ZNF536: variants seen among roughly 807,000 people sequenced by gnomAD.
ZNF536 encodes zinc finger protein 536.
Under a neutral mutation model 84.5 loss-of-function variants are expected in ZNF536, and 13 were observed. The ratio of observed to expected loss-of-function variants is 0.15; its 90% confidence interval spans 0.10 to 0.24. The LOEUF is 0.24. ZNF536 is among the 10% of genes least tolerant of loss of function. ZNF536 has a pLI of 1.00. For synonymous variants in ZNF536, 811 were observed against 742.5 expected, an observed-to-expected ratio of 1.09 and a Z score of -1.50; for missense variants, 1,536 against 1,747.5, an observed-to-expected ratio of 0.88 and a Z score of 2.16.
intron 1 of ZNF536, among the ~76,000 whole-genome samples, chr19:30,404,356 C>T (rs1376243164): frequency 6.6e-6 from 1 of 152,186 alleles, no homozygotes; most frequent in Non-Finnish European, 1.5e-5. Flanking sequence ...ATCCCTGGAA[C>T]TCCAGCATCC....
At chr19:30,677,873 G>C (rs969903825) in intron 1 of ZNF536, among the ~76,000 whole-genome samples, 1 of 152,158 alleles carries the variant, frequency 6.6e-6, no homozygotes, top group Non-Finnish European at 1.5e-5. Flanking sequence ...GCCCAGGAAA[G>C]GAAGGGCTGT....
At chr19:30,592,540 T>G (rs1457014856) in intron 1 of ZNF536, among the ~76,000 whole-genome samples, 1 of 152,168 alleles carries the variant, frequency 6.6e-6, no homozygotes, top group East Asian at 1.9e-4. Context: ...GATTATCAGA[T>G]AAGCAGCACA....
intron 2 of ZNF536, among the ~76,000 whole-genome samples, chr19:30,484,484 C>T (rs1277309148): frequency 2.0e-5 from 3 of 150,672 alleles, no homozygotes; most frequent in African/African-American, 7.3e-5. Flanking sequence ...GATCTGCCCA[C>T]CTTGGCCTCC....
chr19:30,692,587 G>T lies in ZNF536; in HGVS notation c.170-18170G>T, dbSNP rs1213636438. On this transcript the variant is annotated intron_variant, in intron 1 of 1. Transcript: ENST00000592773. ...TGCCTTTACTGTTTTTGCCTGAAGG[G>T]CCAGAAACGGAACGCCGTTCTGCCA... Among the ~76,000 whole-genome samples the T allele has an allele frequency of 2.6e-5, 4 of 152,312 alleles. No individual in the cohort carries two copies. The South Asian group carries it at 6.2e-4, about 24-fold the overall frequency.
chr19:30,615,953 C>A (rs2048280317), intron 1 of ZNF536, among the ~76,000 whole-genome samples: 1 of 152,170 alleles, frequency 6.6e-6, no homozygotes, highest in East Asian at 1.9e-4. Flanking sequence ...TAAATCAAAT[C>A]TTTTTCTCGA....
At chr19:30,608,255 A>G (rs1165218192) in intron 1 of ZNF536, among the ~76,000 whole-genome samples, 1 of 152,238 alleles carries the variant, frequency 6.6e-6, no homozygotes, top group African/African-American at 2.4e-5. Flanking sequence ...CACTGTGGGC[A>G]GAAGAAATGG....
intron 2 of ZNF536, among the ~76,000 whole-genome samples, chr19:30,469,001 G>A (rs1052247346): frequency 6.6e-6 from 1 of 152,206 alleles, no homozygotes; most frequent in African/African-American, 2.4e-5. Context: ...CTGGCACCTG[G>A]AAGACCCAGA....
intron 3 of ZNF536, among the ~76,000 whole-genome samples, chr19:30,537,348 G>C (rs970034830): frequency 6.6e-6 from 1 of 152,232 alleles, no homozygotes; most frequent in African/African-American, 2.4e-5. Flanking sequence ...CAGGATACGG[G>C]AGGTGGTCCA....
intron 2 of ZNF536, among the ~76,000 whole-genome samples, chr19:30,335,786 G>T (rs1485011020): frequency 6.6e-6 from 1 of 152,064 alleles, no homozygotes; most frequent in African/African-American, 2.4e-5. Context: ...ATTTCTACTT[G>T]TTCATGAGCC....
At chr19:30,386,906 C>T (rs11084549) in intron 1 of ZNF536, among the ~76,000 whole-genome samples, 75,018 of 152,174 alleles carry the variant, frequency 0.49, 21,461 homozygotes, top group Non-Finnish European at 0.63. Flanking sequence ...TGCGGGTCGC[C>T]GGCATGGACA....
At chr19:30,615,965 CA>C (rs2048280867) in intron 1 of ZNF536, among the ~76,000 whole-genome samples, 1 of 152,094 alleles carries the variant, frequency 6.6e-6, no homozygotes, top group South Asian at 2.1e-4. Flanking sequence ...TTTTCTCGAT[CA>C]TGTTTTTCTA....
chr19:30,619,364 A>G (rs1349230452), intron 1 of ZNF536, among the ~76,000 whole-genome samples: 1 of 152,172 alleles, frequency 6.6e-6, no homozygotes, highest in Non-Finnish European at 1.5e-5. Flanking sequence ...TAACTTAGGT[A>G]CATGTCTGGA....
intron 1 of ZNF536, among the ~76,000 whole-genome samples, chr19:30,398,635 C>A (rs571794884): frequency 4.6e-5 from 7 of 152,144 alleles, no homozygotes; most frequent in Non-Finnish European, 1.0e-4. Context: ...TGAGAACATG[C>A]GGTGTTTGGT....
At chr19:30,285,671 G>A (rs2045600710) in intron 2 of ZNF536, among the ~76,000 whole-genome samples, 1 of 152,178 alleles carries the variant, frequency 6.6e-6, no homozygotes, top group Non-Finnish European at 1.5e-5. Flanking sequence ...CTGTGGCCAA[G>A]CCTCTCTGGG....
At chr19:30,270,540 C>T (rs931399024) in intron 1 of ZNF536, among the ~76,000 whole-genome samples, 1 of 152,178 alleles carries the variant, frequency 6.6e-6, no homozygotes, top group Non-Finnish European at 1.5e-5. Flanking sequence ...CTCAAGGAGA[C>T]AATTAGCAAA....
chr19:30,297,895 A>G (rs2046052347), intron 2 of ZNF536, among the ~76,000 whole-genome samples: 1 of 137,316 alleles, frequency 7.3e-6, no homozygotes, highest in Non-Finnish European at 1.5e-5. Context: ...TTTTTTCTCA[A>G]GACGGAGTCC....
intron 1 of ZNF536, among the ~76,000 whole-genome samples, chr19:30,236,335 A>C (rs2023501461): frequency 1.3e-5 from 2 of 151,956 alleles, no homozygotes; most frequent in Non-Finnish European, 2.9e-5. Flanking sequence ...CTTAAGCAAA[A>C]AGCCAGACAC....
At chr19:30,388,114 C>T (rs1370504409) in intron 1 of ZNF536, among the ~76,000 whole-genome samples, 8 of 152,162 alleles carry the variant, frequency 5.3e-5, no homozygotes, top group Non-Finnish European at 1.0e-4. Context: ...CTGGGAGAAA[C>T]ACGAGGGGAA....
intron 1 of ZNF536, among the ~76,000 whole-genome samples, chr19:30,565,735 C>T (rs1368428882): frequency 1.3e-5 from 2 of 152,176 alleles, no homozygotes; most frequent in African/African-American, 4.8e-5. Flanking sequence ...GCTGTCTGCT[C>T]TTGCTGTCAT....
Sources: gnomAD v4.1 joint callset for allele counts (sites outside exome capture counted in the v4.1 genomes callset) on GRCh38, gnomAD v4.1.1 for gene constraint, MANE v1.5 for transcripts, NCBI Gene and HGNC (gene_info 2026-07-23, HGNC 2026-07-21) for gene names.